MRC1: variants seen among roughly 807,000 people sequenced by gnomAD.
The protein encoded by MRC1 is macrophage mannose receptor 1.
In MRC1, 62 loss-of-function variants were observed where a neutral mutation model predicts 102.9. The observed-to-expected ratio is 0.60, with a 90% confidence interval of 0.49 to 0.74. The LOEUF is 0.74. Ranked by LOEUF, MRC1 falls within the 30% of genes least tolerant of loss-of-function variation. The pLI, the probability that MRC1 is intolerant of heterozygous loss-of-function variation, is 0.00. For synonymous variants in MRC1, 457 were observed against 298.4 expected (o/e 1.53, Z -5.48); for missense variants, 1,237 against 862.8 (o/e 1.43, Z -5.43).
intron 24 of MRC1, among the ~76,000 whole-genome samples, chr10:17,900,250 G>T (rs1465606771): frequency 6.6e-6 from 1 of 150,490 alleles, no homozygotes; most frequent in Non-Finnish European, 1.5e-5. Flanking sequence ...AAGAGACTAA[G>T]GCTTCTCTCT....
intron 6 of MRC1, among the ~76,000 whole-genome samples, chr10:17,847,926 C>CTTTTTT (rs5783563): frequency 1.0e-4 from 15 of 147,424 alleles, no homozygotes; most frequent in Middle Eastern, 3.5e-3. Context: ...TCTTTTTCTT[C>CTTTTTT]TTTTTTTTTT....
chr10:17,818,454 G>T (rs1554838054), intron 1 of MRC1, among the ~76,000 whole-genome samples: 2 of 152,136 alleles, frequency 1.3e-5, no homozygotes, highest in Non-Finnish European at 2.9e-5. Flanking sequence ...TTTTAAGATG[G>T]TTATGGATAT....
At chr10:17,889,734 ATTATCACCAAATACG>A (rs1833647763) in intron 22 of MRC1, among the ~76,000 whole-genome samples, 1 of 152,208 alleles carries the variant, frequency 6.6e-6, no homozygotes, top group Non-Finnish European at 1.5e-5. Flanking sequence ...TCCATAAGCT[ATTATCACCAAATACG>A]TTATCACCAA....
At chr10:17,906,216 GA>G (rs1233976402) in intron 26 of MRC1, among the ~76,000 whole-genome samples, 4 of 148,906 alleles carry the variant, frequency 2.7e-5, no homozygotes, top group African/African-American at 2.5e-5. Context: ...TCAGCTGCCT[GA>G]AAAAAAAACT....
chr10:17,883,492 T>C (rs1833547309), intron 21 of MRC1, among the ~76,000 whole-genome samples: 2 of 152,008 alleles, frequency 1.3e-5, no homozygotes, highest in South Asian at 4.2e-4. Context: ...TTTTAAATCC[T>C]TAATTAAGAA....
At position 17,839,263 on chromosome 10, in the gene MRC1, G is replaced by A. The variant is rs190442480; in HGVS notation, c.803-1430G>A. Among the ~76,000 whole-genome samples the A allele has an allele frequency of 6.3e-4, 96 of 152,280 alleles. 1 individual carries two copies. The East Asian group carries it at 0.011, about 17-fold the overall frequency. On this transcript the variant is annotated intron_variant, in intron 4 of 29. Coordinates refer to ENST00000569591, the MANE Select transcript of MRC1 (RefSeq NM_002438.4). ...TCATGATGCCAAACATAGTAATTTA[G>A]TTACGCAGTCTCAATATCTACTTCA... is the stretch of plus-strand genomic sequence containing the variant.
intron 8 of MRC1, among the ~76,000 whole-genome samples, chr10:17,855,444 G>A (rs1187776695): frequency 6.6e-6 from 1 of 151,846 alleles, no homozygotes; most frequent in Non-Finnish European, 1.5e-5. Context: ...GGTGGCAGGC[G>A]CCTGTAGTCC....
intron 26 of MRC1, among the ~76,000 whole-genome samples, chr10:17,905,203 G>A (rs1384089711): frequency 6.6e-6 from 1 of 152,162 alleles, no homozygotes; most frequent in Non-Finnish European, 1.5e-5. Context: ...TGGTTGTGGG[G>A]CTGTTGGTTT....
chr10:17,823,601 T>C (rs1838430800), intron 2 of MRC1, 126 bp downstream of exon 2: 4 of 730,348 alleles, frequency 5.5e-6, no homozygotes, highest in Non-Finnish European at 1.0e-5. Flanking sequence ...TCAGCATCTT[T>C]GTGTTTTCAA....
chr10:17,866,503 C>T, intron 11 of MRC1, 59 bp from the exon 12 acceptor site: 1 of 780,794 alleles, frequency 1.3e-6, no homozygotes, highest in East Asian at 2.4e-5. Flanking sequence ...CTTCTGTGAG[C>T]ACGGCAGGCC....
chr10:17,873,217 C>G (rs950381343), intron 15 of MRC1, among the ~76,000 whole-genome samples: 30 of 152,000 alleles, frequency 2.0e-4, no homozygotes, highest in African/African-American at 6.8e-4. Flanking sequence ...TTTAGTAAGC[C>G]ATACATTTAA....
intron 22 of MRC1, among the ~76,000 whole-genome samples, chr10:17,886,665 G>A (rs1833601073): frequency 6.6e-6 from 1 of 152,170 alleles, no homozygotes; most frequent in African/African-American, 2.4e-5. Context: ...GCCTCCCAAA[G>A]TGCTGGGATT....
At position 17,877,984 on chromosome 10, in the gene MRC1, A is replaced by G. The variant is rs1258248119; in HGVS notation, c.2618+17A>G. On this transcript the variant is annotated intron_variant, in intron 18 of 29. Transcript: ENST00000569591. The stretch of plus-strand genomic sequence containing the variant: ...AAAGTTTGCGTAAGTAAATCAAGCT[A>G]AAAACAACTTTGCTTGGGTTAGTGT... The G allele has an allele frequency of 4.6e-6, 4 of 872,054 alleles. No homozygotes were observed. Among genetic ancestry groups the G allele is most frequent in the East Asian group, 2.4e-5 (1 of 41,574 alleles). The allele number at this position is 872,054 out of a possible 1,614,324, so 54.0% of individuals were successfully genotyped here.
chr10:17,813,300 A>G (rs901948445), intron 1 of MRC1, among the ~76,000 whole-genome samples: 3 of 152,186 alleles, frequency 2.0e-5, no homozygotes, highest in Non-Finnish European at 4.4e-5. Context: ...AAGGGATCCA[A>G]CTGTGGTTCT....
At chr10:17,896,240 G>A (rs562008272) in intron 23 of MRC1, among the ~76,000 whole-genome samples, 1,748 of 152,204 alleles carry the variant, frequency 0.011, 38 homozygotes, top group African/African-American at 0.04. Context: ...TGGAAATCAG[G>A]GAACTAATGT....
At chr10:17,847,138 T>C (rs1838837761) in intron 6 of MRC1, among the ~76,000 whole-genome samples, 1 of 145,238 alleles carries the variant, frequency 6.9e-6, no homozygotes, top group African/African-American at 2.5e-5. Context: ...CTATTCCTCC[T>C]CTAGGAGAAA....
intron 29 of MRC1, 70 bp downstream of exon 29, chr10:17,909,417 A>G (rs1833939324): frequency 1.2e-6 from 1 of 803,810 alleles, no homozygotes; most frequent in Non-Finnish European, 2.2e-6. Context: ...AAAAGGCATA[A>G]TCATAATCCC....
chr10:17,852,000 A>G (rs1838924553), intron 7 of MRC1, among the ~76,000 whole-genome samples: 2 of 152,254 alleles, frequency 1.3e-5, no homozygotes, highest in Non-Finnish European at 2.9e-5. Context: ...CTAAATGATC[A>G]TACATCAAGC....
intron 3 of MRC1, among the ~76,000 whole-genome samples, chr10:17,831,545 C>G (rs1024779900): frequency 6.6e-6 from 1 of 151,394 alleles, no homozygotes; most frequent in East Asian, 1.9e-4. Flanking sequence ...TGATCGCTTC[C>G]TCATCAGATA....
Sources: allele counts gnomAD v4.1 joint callset (sites outside exome capture counted in the v4.1 genomes callset), GRCh38; gene constraint gnomAD v4.1.1; transcripts MANE v1.5; gene names NCBI Gene and HGNC (gene_info 2026-07-23, HGNC 2026-07-21).